Variants in RPTOR observed in about 807,000 individuals in gnomAD.
RPTOR encodes regulatory associated protein of MTOR complex 1.
A neutral mutation model predicts 169.9 loss-of-function variants in RPTOR; 21 were observed. That is an observed-to-expected ratio of 0.12 (90% CI 0.09 to 0.18). RPTOR has a LOEUF of 0.18. Among genes scored for constraint, RPTOR ranks in the 10% least tolerant of loss-of-function variants. The pLI is 1.00. For missense variants in RPTOR, 1,133 were observed against 1,855.9 expected (o/e 0.61, Z 7.16); for synonymous variants, 732 against 753.2 (o/e 0.97, Z 0.46).
chr17:80,821,553 C>T (rs539355432), intron 7 of RPTOR, among the ~76,000 whole-genome samples: 5 of 152,274 alleles, frequency 3.3e-5, no homozygotes, highest in East Asian at 3.9e-4. Context: ...CTGCCCCATG[C>T]GAAATGGCAG....
intron 3 of RPTOR, among the ~76,000 whole-genome samples, chr17:80,655,491 C>T (rs532766913): frequency 1.5e-3 from 227 of 152,084 alleles, no homozygotes; most frequent in African/African-American, 5.3e-3. Context: ...CAGCCTCAAC[C>T]TCCTGGGCTC....
intron 1 of RPTOR, among the ~76,000 whole-genome samples, chr17:80,555,204 T>C (rs1009726565): frequency 2.6e-5 from 4 of 152,178 alleles, no homozygotes; most frequent in African/African-American, 9.7e-5. Context: ...GAAGTGACAT[T>C]AGATAAGAAA....
At chr17:80,806,334 G>C (rs2067218524) in intron 7 of RPTOR, among the ~76,000 whole-genome samples, 1 of 152,176 alleles carries the variant, frequency 6.6e-6, no homozygotes, top group African/African-American at 2.4e-5. Context: ...GTCACAGCCA[G>C]CATTTTAAAA....
Position 80,860,549 on chromosome 17 carries a change from A to G in RPTOR, c.1509+2649A>G, listed in dbSNP as rs1036605374. On this transcript the variant is annotated intron_variant, in intron 13 of 33. Coordinates refer to ENST00000306801, the MANE Select transcript of RPTOR (RefSeq NM_020761.3). This position sits in a 1 kb window ranked among gnomAD's most constrained non-coding sequence, Gnocchi z 5.8. ...CTCCCCACACCCCAAGTCCTCACGTACTACTTTGGTGTCACAGCTGAAGTC... is the reference window on the plus strand; with the variant it reads ...CTCCCCACACCCCAAGTCCTCACGTGCTACTTTGGTGTCACAGCTGAAGTC... Among the ~76,000 whole-genome samples, 1 of 152,036 alleles carries G rather than the reference A, an allele frequency of 6.6e-6. No homozygotes were observed. Among genetic ancestry groups the G allele is most frequent in the African/African-American group, 2.4e-5 (1 of 41,494 alleles).
At chr17:80,632,147 T>C (rs2065446994) in intron 2 of RPTOR, among the ~76,000 whole-genome samples, 1 of 152,228 alleles carries the variant, frequency 6.6e-6, no homozygotes. Flanking sequence ...CTTGGCTCAC[T>C]GCTGGCTCCC....
chr17:80,708,137 A>T lies in RPTOR; in HGVS notation c.507+138A>T, dbSNP rs184573080. The T allele has an allele frequency of 7.1e-4, 583 of 823,216 alleles. 3 individuals carry two copies. In the African/African-American group the frequency reaches 7.9e-3, roughly 11 times the overall value. The allele number at this position is 823,216 out of a possible 1,614,324, so 51.0% of individuals were successfully genotyped here. On this transcript the variant is annotated intron_variant, in intron 4 of 33. Transcript: ENST00000306801. This position sits in a 1 kb window ranked among gnomAD's most constrained non-coding sequence, Gnocchi z 4.2. The stretch of plus-strand genomic sequence containing the variant: ...TGTTTCAACAAACCCAAATGCCATA[A>T]CTGAACGGACCAGGTAGTCAGGCAC...
At position 80,922,705 on chromosome 17, in the gene RPTOR, C is replaced by T; in HGVS notation, c.2521-19C>T. 1.3e-6 allele frequency: 2 copies of T among 1,564,496 alleles called. No homozygotes were observed. The highest frequency in any genetic ancestry group is 2.7e-5 in the African/African-American group (2 of 73,686). On this transcript the variant is annotated intron_variant, in intron 21 of 33. Transcript: ENST00000306801. ...GCACGTCCCGTCTGACCTTCACACC[C>T]CCATTCCTTTGCCCCTAGGCCACCG...
At chr17:80,789,639 T>G (rs1253563606) in intron 6 of RPTOR, among the ~76,000 whole-genome samples, 2 of 152,210 alleles carry the variant, frequency 1.3e-5, no homozygotes, top group African/African-American at 4.8e-5. Flanking sequence ...CCAGGCAGCC[T>G]TGAGCATGGT....
intron 4 of RPTOR, among the ~76,000 whole-genome samples, chr17:80,711,702 T>A (rs1014662223): frequency 8.7e-5 from 13 of 150,080 alleles, no homozygotes; most frequent in South Asian, 2.1e-4. Context: ...ATTTAAAAAT[T>A]TTGTCTTCTT....
chr17:80,919,264 G>A (rs1000499750), intron 21 of RPTOR, among the ~76,000 whole-genome samples: 5 of 152,140 alleles, frequency 3.3e-5, no homozygotes, highest in South Asian at 2.1e-4. Flanking sequence ...AGCAGCACAC[G>A]CTTTTGCAGG....
intron 1 of RPTOR, among the ~76,000 whole-genome samples, chr17:80,618,910 C>T (rs1434476071): frequency 6.6e-6 from 1 of 152,212 alleles, no homozygotes; most frequent in East Asian, 1.9e-4. Context: ...CACTTTGTAG[C>T]AGTGCTTGGG....
chr17:80,665,900 C>T (rs557785325), intron 3 of RPTOR, among the ~76,000 whole-genome samples: 13 of 152,278 alleles, frequency 8.5e-5, no homozygotes, highest in East Asian at 3.9e-4. Context: ...GGAAGATCTT[C>T]GTCGGAAAGA....
At chr17:80,751,073 C>T (rs1349724623) in intron 5 of RPTOR, among the ~76,000 whole-genome samples, 1 of 152,144 alleles carries the variant, frequency 6.6e-6, no homozygotes, top group Non-Finnish European at 1.5e-5. Flanking sequence ...TTAGTACCTT[C>T]CAGCTGAGAA....
At chr17:80,735,637 G>C (rs867101535) in intron 5 of RPTOR, among the ~76,000 whole-genome samples, 2 of 152,144 alleles carry the variant, frequency 1.3e-5, no homozygotes, top group African/African-American at 4.8e-5. Context: ...AAATCTAGGC[G>C]AGTTTCTCCT....
intron 28 of RPTOR, among the ~76,000 whole-genome samples, chr17:80,954,922 AAAAGAAAG>A (rs370013508): frequency 6.6e-6 from 1 of 152,216 alleles, no homozygotes; most frequent in Non-Finnish European, 1.5e-5. Flanking sequence ...ATCTCAAAAA[AAAAGAAAG>A]AAAGAAAGAA....
chr17:80,621,892 G>A (rs1419276203), intron 1 of RPTOR, among the ~76,000 whole-genome samples: 5 of 152,208 alleles, frequency 3.3e-5, no homozygotes, highest in African/African-American at 9.6e-5. Flanking sequence ...GTGGATAAAC[G>A]GGGAGAAAGC....
At chr17:80,666,642 ACAT>A (rs1291532187) in intron 3 of RPTOR, among the ~76,000 whole-genome samples, 1 of 150,256 alleles carries the variant, frequency 6.7e-6, no homozygotes, top group Non-Finnish European at 1.5e-5. Context: ...GGGAAAATAA[ACAT>A]CATTCATTCA....
intron 1 of RPTOR, among the ~76,000 whole-genome samples, chr17:80,567,624 A>C (rs1410163983): frequency 6.6e-6 from 1 of 151,436 alleles, no homozygotes; most frequent in Non-Finnish European, 1.5e-5. Flanking sequence ...CCCTGTCTCT[A>C]CTAAAAATAC....
At chr17:80,857,930 G>A in intron 13 of RPTOR, 30 bp downstream of exon 13, 2 of 1,549,046 alleles carry the variant, frequency 1.3e-6, no homozygotes, top group Non-Finnish European at 8.9e-7. Flanking sequence ...TCCCCAGAGT[G>A]ATGTGAACCT....
Sources: gnomAD v4.1 joint callset for allele counts (sites outside exome capture counted in the v4.1 genomes callset) on GRCh38, gnomAD v4.1.1 for gene constraint, Gnocchi (gnomAD v3.1) non-coding constraint, MANE v1.5 for transcripts, NCBI Gene and HGNC (gene_info 2026-07-23, HGNC 2026-07-21) for gene names.